The following ASPRV1 variants were observed in gnomAD, a reference collection of about 807,000 sequenced individuals.
ASPRV1 encodes the protein aspartic peptidase retroviral like 1, also known as retroviral-like aspartic protease 1.
Under a neutral mutation model 11.0 loss-of-function variants are expected in ASPRV1, and 7 were observed. The ratio of observed to expected loss-of-function variants is 0.64; its 90% CI spans 0.36 to 1.20. The LOEUF is 1.20. ASPRV1 is among the 50% of genes most tolerant of loss of function. The probability of loss-of-function intolerance (pLI) is 0.02; values close to 1 mark genes in which losing one functional copy is unlikely to be tolerated. For missense variants in ASPRV1, 299 were observed against 320.0 expected, an observed-to-expected ratio of 0.93 and a Z score of 0.50; for synonymous variants, 136 against 138.4, an observed-to-expected ratio of 0.98 and a Z score of 0.12.
At chr2:69,983,148 A>C in the ASPRV1 span, among the ~76,000 whole-genome samples, 1 of 151,982 alleles carries the variant, frequency 6.6e-6, no homozygotes, top group Non-Finnish European at 1.5e-5. Flanking sequence ...TGAACTTCCG[A>C]GCTCAGGCAA....
At chr2:69,946,239 CCAA>C in the ASPRV1 span, among the ~76,000 whole-genome samples, 1 of 152,196 alleles carries the variant, frequency 6.6e-6, no homozygotes, top group East Asian at 1.9e-4. Flanking sequence ...CCAACAGAGA[CCAA>C]TAGGCTGGCC....
At chr2:70,058,580 C>A in the ASPRV1 span, among the ~76,000 whole-genome samples, 1 of 145,894 alleles carries the variant, frequency 6.9e-6, no homozygotes, top group African/African-American at 2.5e-5. Context: ...GAGACAAAGT[C>A]TCGCTCTTGT....
At chr2:69,945,388 A>T in the ASPRV1 span, among the ~76,000 whole-genome samples, 1 of 152,238 alleles carries the variant, frequency 6.6e-6, no homozygotes, top group Admixed American at 6.5e-5. Flanking sequence ...GGGTCTCTGC[A>T]GGAAGTATTG....
At chr2:69,937,868 C>A in the ASPRV1 span, among the ~76,000 whole-genome samples, 3 of 152,224 alleles carry the variant, frequency 2.0e-5, no homozygotes, top group Non-Finnish European at 4.4e-5. Context: ...CCCACCTTGG[C>A]CTCCCAAAGT....
the ASPRV1 span, among the ~76,000 whole-genome samples, chr2:70,004,560 G>C: frequency 1.3e-5 from 2 of 151,296 alleles, no homozygotes; most frequent in African/African-American, 4.9e-5. Context: ...AAGAAGTGGG[G>C]TAATTGAGTG....
the ASPRV1 span, among the ~76,000 whole-genome samples, chr2:70,040,188 C>T: frequency 6.6e-6 from 1 of 152,026 alleles, no homozygotes; most frequent in Non-Finnish European, 1.5e-5. Flanking sequence ...ATATAGATGG[C>T]ATCATCTAGA....
At chr2:70,052,632 T>C in the ASPRV1 span, among the ~76,000 whole-genome samples, 2 of 152,188 alleles carry the variant, frequency 1.3e-5, no homozygotes, top group African/African-American at 4.8e-5. Context: ...CCTCAAGTTC[T>C]TTATTTCTCT....
chr2:70,048,801 G>A, the ASPRV1 span: 1 of 152,230 alleles, frequency 6.6e-6, no homozygotes, highest in Non-Finnish European at 1.5e-5. Flanking sequence ...ATCCTTCCTT[G>A]TCTCTTCTAG....
the ASPRV1 span, chr2:69,988,835 G>A: frequency 2.2e-6 from 1 of 456,546 alleles, no homozygotes; most frequent in African/African-American, 2.0e-5. Context: ...TTCTGCAGAA[G>A]AGTCTGGAGT....
the ASPRV1 span, among the ~76,000 whole-genome samples, chr2:70,079,294 G>T: frequency 2.0e-5 from 3 of 151,642 alleles, no homozygotes; most frequent in South Asian, 6.2e-4. Context: ...GCAACATTGT[G>T]AGACCCTGTC....
the ASPRV1 span, chr2:70,003,322 A>C: frequency 1.3e-5 from 2 of 152,262 alleles, no homozygotes; most frequent in East Asian, 1.9e-4. Flanking sequence ...TCATCTGTAA[A>C]ATGGGATGAT....
chr2:69,958,213 C>T (rs1258750924), downstream of ASPRV1, among the ~76,000 whole-genome samples: 3 of 152,190 alleles, frequency 2.0e-5, no homozygotes, highest in African/African-American at 4.8e-5. Context: ...CCGCATGCAG[C>T]AGCGGTCTCA....
the ASPRV1 span, among the ~76,000 whole-genome samples, chr2:70,024,457 C>T: frequency 5.3e-5 from 8 of 152,084 alleles, no homozygotes; most frequent in South Asian, 6.2e-4. Context: ...AGAGAGGGGC[C>T]GGTACTGCCT....
At chr2:70,074,294 CT>C in the ASPRV1 span, among the ~76,000 whole-genome samples, 10,188 of 143,218 alleles carry the variant, frequency 0.071, 1,151 homozygotes, top group African/African-American at 0.24. Flanking sequence ...AGAGCAACTG[CT>C]TTTTTTTTTT....
upstream of ASPRV1, among the ~76,000 whole-genome samples, chr2:69,966,082 G>T (rs545614645): frequency 1.1e-4 from 16 of 152,342 alleles, no homozygotes; most frequent in South Asian, 3.3e-3. Flanking sequence ...ACCCTGGGGG[G>T]TCCTGGAGGT....
chr2:70,081,939 G>A, the ASPRV1 span, among the ~76,000 whole-genome samples: 1 of 151,170 alleles, frequency 6.6e-6, no homozygotes, highest in South Asian at 2.1e-4. Context: ...GAGAGAAAAA[G>A]AAACCACTTA....
chr2:70,083,223 A>G, the ASPRV1 span, among the ~76,000 whole-genome samples: 1 of 152,218 alleles, frequency 6.6e-6, no homozygotes, highest in Non-Finnish European at 1.5e-5. Context: ...AGCCATGGAA[A>G]GGTGTAATCC....
the ASPRV1 span, chr2:70,012,158 A>AC: frequency 7.2e-6 from 1 of 139,006 alleles, no homozygotes; most frequent in Non-Finnish European, 1.6e-5. Context: ...GATCAACATC[A>AC]TTTTTTTTTT....
chr2:69,936,045 C>A, the ASPRV1 span, among the ~76,000 whole-genome samples: 1 of 152,050 alleles, frequency 6.6e-6, no homozygotes, highest in East Asian at 1.9e-4. Context: ...TTCTTCCAGT[C>A]CCTGGCACTG....
Sources: gnomAD v4.1 joint callset for allele counts (sites outside exome capture counted in the v4.1 genomes callset) on GRCh38, gnomAD v4.1.1 for gene constraint, MANE v1.5 for transcripts, NCBI Gene and HGNC (gene_info 2026-07-23, HGNC 2026-07-21) for gene names.